Variants in EPS15L1 observed in about 807,000 individuals in gnomAD.
The protein encoded by EPS15L1 is epidermal growth factor receptor pathway substrate 15 like 1.
In EPS15L1, 43 loss-of-function variants were observed where a neutral mutation model predicts 117.1. The observed-to-expected ratio is 0.37, with a 90% CI of 0.29 to 0.47. The LOEUF (loss-of-function observed/expected upper bound fraction) is 0.47. EPS15L1 is among the 20% of genes least tolerant of loss of function. The probability of loss-of-function intolerance (pLI) is 0.99; values close to 1 mark genes in which losing one functional copy is unlikely to be tolerated. For missense variants in EPS15L1, 981 were observed against 1,164.0 expected (o/e 0.84, Z 2.29); for synonymous variants, 459 against 470.5 (o/e 0.98, Z 0.32).
At chr19:16,448,326 T>C (rs554128732) in intron 1 of EPS15L1, among the ~76,000 whole-genome samples, 2 of 149,422 alleles carry the variant, frequency 1.3e-5, no homozygotes, top group African/African-American at 2.5e-5. Flanking sequence ...AGTTTGGGAG[T>C]TCAAGACCAG....
At chr19:16,390,533 C>T (rs550348050) in intron 19 of EPS15L1, among the ~76,000 whole-genome samples, 39 of 152,244 alleles carry the variant, frequency 2.6e-4, no homozygotes, top group African/African-American at 9.1e-4. Context: ...GCATTACACC[C>T]AACAACTAGA....
At chr19:16,425,390 G>A in intron 8 of EPS15L1, 74 bp from the exon 9 acceptor site, 1 of 1,036,000 alleles carries the variant, frequency 9.7e-7, no homozygotes, top group African/African-American at 1.6e-5. Flanking sequence ...GCAGAGGGCA[G>A]CCCTTTGGGG....
intron 12 of EPS15L1, among the ~76,000 whole-genome samples, chr19:16,416,955 G>A (rs891694025): frequency 6.6e-6 from 1 of 152,200 alleles, no homozygotes; most frequent in Non-Finnish European, 1.5e-5. Flanking sequence ...AGGCAAGAAG[G>A]GGAGCCACAG....
At chr19:16,424,251 T>C (rs564425086) in intron 9 of EPS15L1, among the ~76,000 whole-genome samples, 43 of 152,164 alleles carry the variant, frequency 2.8e-4, no homozygotes, top group Non-Finnish European at 4.7e-4. Context: ...ATGTGGACTG[T>C]AGGCCCCCAG....
intron 18 of EPS15L1, 39 bp downstream of exon 18, chr19:16,393,912 C>T (rs1397414370): frequency 6.2e-7 from 1 of 1,605,412 alleles, no homozygotes; most frequent in Admixed American, 1.7e-5. Context: ...CAGGACTGGA[C>T]ACAGTCTAAA....
intron 4 of EPS15L1, among the ~76,000 whole-genome samples, chr19:16,438,786 G>A (rs983330469): frequency 6.6e-6 from 1 of 152,148 alleles, no homozygotes; most frequent in Non-Finnish European, 1.5e-5. Flanking sequence ...TTCCTGAGTA[G>A]CTAGGATTAC....
chr19:16,379,869 G>A (rs923530927), intron 21 of EPS15L1, among the ~76,000 whole-genome samples: 3 of 148,168 alleles, frequency 2.0e-5, no homozygotes, highest in African/African-American at 7.5e-5. Context: ...GTCTAAGACT[G>A]TAGACTAGCC....
rs2091972677 is a variant in EPS15L1 at position 16,355,839 on chromosome 19, C to T, written c.2599G>A (p.Glu867Lys). The T allele has an allele frequency of 6.5e-7, 1 of 1,535,884 alleles. No homozygotes were observed. The highest frequency in any genetic ancestry group is 1.2e-5 in the South Asian group (1 of 84,060). ...CGCTTGGCCCACGCCAGCTGCTGCTCCTCATTGCCAAACTGCAAAGGAAAA... is the reference window on the plus strand; with the variant it reads ...CGCTTGGCCCACGCCAGCTGCTGCTTCTCATTGCCAAACTGCAAAGGAAAA... Reference protein sequence around the residue: ...FADFTSFGNEEQQLAWAKRES... With the variant: ...FADFTSFGNEKQQLAWAKRES... Residue 867 changes from glutamate (E) to lysine (K), a missense_variant, in exon 24 of 24, where the codon GAG becomes AAG. Transcript: ENST00000455140.
At chr19:16,397,266 T>C (rs1190333346) in intron 16 of EPS15L1, among the ~76,000 whole-genome samples, 3 of 152,070 alleles carry the variant, frequency 2.0e-5, no homozygotes, top group Non-Finnish European at 4.4e-5. Context: ...ATTTTTGTAT[T>C]TTTAGTAGAG....
intron 1 of EPS15L1, among the ~76,000 whole-genome samples, chr19:16,468,323 C>T (rs1352571385): frequency 6.6e-6 from 1 of 152,110 alleles, no homozygotes; most frequent in East Asian, 1.9e-4. Context: ...TAGGTGGAGT[C>T]GATTCAGGGC....
intron 1 of EPS15L1, among the ~76,000 whole-genome samples, chr19:16,457,342 T>C (rs1410475743): frequency 6.6e-6 from 1 of 151,952 alleles, no homozygotes; most frequent in Non-Finnish European, 1.5e-5. Context: ...AGAGACAGGA[T>C]GGAGGGCCAG....
chr19:16,426,328 G>C (rs917140245), intron 8 of EPS15L1, among the ~76,000 whole-genome samples: 1 of 152,176 alleles, frequency 6.6e-6, no homozygotes, highest in African/African-American at 2.4e-5. Context: ...CTGCTGGCCT[G>C]TGCTCTTCAA....
At chr19:16,428,643 C>G (rs2092901435) in intron 8 of EPS15L1, 59 bp downstream of exon 8, 30 of 1,268,854 alleles carry the variant, frequency 2.4e-5, no homozygotes, top group Non-Finnish European at 3.4e-5. Flanking sequence ...AATCCAGCAA[C>G]CCCTGCGCAC....
intron 1 of EPS15L1, among the ~76,000 whole-genome samples, chr19:16,467,488 G>C (rs905698802): frequency 3.3e-5 from 5 of 151,804 alleles, no homozygotes; most frequent in Non-Finnish European, 4.4e-5. Flanking sequence ...AGGTGGAGGG[G>C]TCTTGCCCAG....
chr19:16,470,520 A>C (rs2093339234), intron 1 of EPS15L1, among the ~76,000 whole-genome samples: 1 of 110,402 alleles, frequency 9.1e-6, no homozygotes, highest in Non-Finnish European at 1.7e-5. Context: ...CCACCCCCTG[A>C]CTACATACTC....
chr19:16,433,404 T>G (rs1348372853), intron 7 of EPS15L1, among the ~76,000 whole-genome samples: 1 of 152,060 alleles, frequency 6.6e-6, no homozygotes, highest in African/African-American at 2.4e-5. Flanking sequence ...AGTGCTGGGA[T>G]TACGGGCGTG....
intron 1 of EPS15L1, among the ~76,000 whole-genome samples, chr19:16,442,897 A>G (rs1306377944): frequency 6.6e-6 from 1 of 152,164 alleles, no homozygotes; most frequent in Non-Finnish European, 1.5e-5. Context: ...TCACGCAGCT[A>G]ATCGGGGCCA....
At chr19:16,376,654 G>C (rs2092299195) in intron 22 of EPS15L1, among the ~76,000 whole-genome samples, 1 of 152,224 alleles carries the variant, frequency 6.6e-6, no homozygotes, top group African/African-American at 2.4e-5. Flanking sequence ...GAAGGGACTG[G>C]ACCAAGCAGC....
rs991093154 is a variant in EPS15L1, at chr19:16,425,287, C to T, written c.588G>A (p.Glu196=). Reference sequence around the variant, plus strand: ...GCAGGGCGGAGGGCACGGGCTCCTTCTCCAGGGCTCGGTACACCAAGTGCA... The same window carrying T: ...GCAGGGCGGAGGGCACGGGCTCCTTTTCCAGGGCTCGGTACACCAAGTGCA... The part of the protein sequence containing the change: ...VAMHLVYRAL[E]KEPVPSALPP... Residue 196 remains glutamate, a synonymous_variant, in exon 9 of 24, where the codon GAG becomes GAA. Transcript: ENST00000455140. 1.2e-6 allele frequency: 2 copies of T among 1,604,460 alleles called. No homozygotes were observed. The highest frequency in any genetic ancestry group is 1.7e-5 in the Admixed American group (1 of 58,654).
Sources: allele counts gnomAD v4.1 joint callset (sites outside exome capture counted in the v4.1 genomes callset), GRCh38; gene constraint gnomAD v4.1.1; transcripts MANE v1.5; gene names NCBI Gene and HGNC (gene_info 2026-07-23, HGNC 2026-07-21).